Variants in GALNT9 observed in about 807,000 individuals in gnomAD.
GALNT9 encodes GalNAc transferase 9.
GALNT9 carries 47 observed loss-of-function variants against 63.1 expected under a neutral mutation model. That is an observed-to-expected ratio of 0.75 (90% CI 0.59 to 0.95). GALNT9 has a LOEUF of 0.95. Ranked by LOEUF, GALNT9 falls within the 40% of genes least tolerant of loss-of-function variation. The pLI is 0.00. For missense variants in GALNT9, 829 were observed against 874.8 expected, an observed-to-expected ratio of 0.95 and a Z score of 0.66; for synonymous variants, 396 against 365.7, an observed-to-expected ratio of 1.08 and a Z score of -0.94.
intron 5 of GALNT9, among the ~76,000 whole-genome samples, chr12:132,256,397 G>A (rs1446832863): frequency 1.3e-5 from 2 of 151,974 alleles, no homozygotes; most frequent in Non-Finnish European, 2.9e-5. Context: ...AGTATTCCGT[G>A]ATGTGGGTGG....
At chr12:132,328,332 T>A (rs560340045) in intron 1 of GALNT9, among the ~76,000 whole-genome samples, 1 of 152,014 alleles carries the variant, frequency 6.6e-6, no homozygotes, top group Non-Finnish European at 1.5e-5. Context: ...GGGTAATGAG[T>A]CCTGCCAAGC....
chr12:132,298,280 C>T (rs1364451172), intron 1 of GALNT9, among the ~76,000 whole-genome samples: 1 of 152,100 alleles, frequency 6.6e-6, no homozygotes, highest in Admixed American at 6.5e-5. Flanking sequence ...TGAGATAACC[C>T]AGTCCCATGA....
At chr12:132,281,292 C>T (rs1017113898) in intron 2 of GALNT9, among the ~76,000 whole-genome samples, 16 of 152,188 alleles carry the variant, frequency 1.1e-4, no homozygotes, top group Admixed American at 2.0e-4. Context: ...CGGGGAAGCT[C>T]CAGGCTGGGC....
chr12:132,314,515 C>A (rs1279154061), intron 1 of GALNT9, among the ~76,000 whole-genome samples: 1 of 152,142 alleles, frequency 6.6e-6, no homozygotes, highest in Non-Finnish European at 1.5e-5. Context: ...GTGACTTGCC[C>A]GAGGTCACCC....
rs552671449 is a variant in GALNT9 at position 132,305,888 on chromosome 12, C to T, written c.239-19458G>A. Among the ~76,000 whole-genome samples the T allele has an allele frequency of 1.4e-4, 22 of 152,330 alleles. No homozygotes were observed. The Middle Eastern group carries it at 0.017, about 118-fold the overall frequency. ...CACTGGGTGATGGGGACCAGGGAGC[C>T]CTGGGTGGGGCTTGGGTCCAAAGGA... On this transcript the variant is annotated intron_variant, in intron 1 of 10. Transcript: ENST00000328957.
intron 6 of GALNT9, among the ~76,000 whole-genome samples, chr12:132,243,800 G>C (rs1339865516): frequency 6.6e-6 from 1 of 152,160 alleles, no homozygotes; most frequent in Admixed American, 6.5e-5. Context: ...CCTGGGGACT[G>C]GGAATCAGCC....
At chr12:132,227,607 G>A (rs1877747215) in intron 6 of GALNT9, among the ~76,000 whole-genome samples, 1 of 152,188 alleles carries the variant, frequency 6.6e-6, no homozygotes, top group South Asian at 2.1e-4. Flanking sequence ...CTAAAGAAAA[G>A]AAAACTGGTG....
chr12:132,284,577 G>A (rs1880513559), intron 2 of GALNT9: 1 of 152,264 alleles, frequency 6.6e-6, no homozygotes, highest in African/African-American at 2.4e-5. Flanking sequence ...ATGAAAATAA[G>A]TAGAATGAAA....
intron 2 of GALNT9, chr12:132,280,889 G>C (rs922791895): frequency 5.3e-5 from 8 of 152,314 alleles, no homozygotes; most frequent in African/African-American, 1.9e-4. Context: ...TGAATAAAGA[G>C]ACTTAACCTT....
chr12:132,218,632 G>C (rs1157143078), intron 6 of GALNT9, among the ~76,000 whole-genome samples: 2 of 152,224 alleles, frequency 1.3e-5, no homozygotes, highest in African/African-American at 4.8e-5. Context: ...TCGTTCTGCA[G>C]CAGCGATCCA....
Position 132,279,640 on chromosome 12 carries a change from C to G in GALNT9, c.419+6610G>C, listed in dbSNP as rs1880253777. The stretch of plus-strand genomic sequence containing the variant: ...CAGTGGTTTCTTCTCTCCAGAGTTA[C>G]TGTCCCTACCCCCTGTCCTCTCTCT... On this transcript the variant is annotated intron_variant, in intron 2 of 10. Coordinates refer to ENST00000328957, the MANE Select transcript of GALNT9 (RefSeq NM_001122636.2). This position sits in a 1 kb window ranked among gnomAD's most constrained non-coding sequence, Gnocchi z 4.1. 1 of 152,460 alleles carries G rather than the reference C, an allele frequency of 6.6e-6. No individual in the cohort carries two copies. The highest frequency in any genetic ancestry group is 1.5e-5 in the Non-Finnish European group (1 of 68,206). The allele number at this position is 152,460 out of a possible 1,614,324, so 9.4% of individuals were successfully genotyped here. A position where few individuals can be genotyped will look rare whatever the true frequency, so the allele number is the denominator to read the frequency against.
At chr12:132,292,010 GC>G (rs1299387916) in intron 1 of GALNT9, among the ~76,000 whole-genome samples, 2 of 152,118 alleles carry the variant, frequency 1.3e-5, no homozygotes, top group East Asian at 3.9e-4. Context: ...CCTGCTTCCT[GC>G]CCCGGGGCCT....
chr12:132,264,186 G>A (rs1555239995), intron 2 of GALNT9, among the ~76,000 whole-genome samples: 6 of 152,228 alleles, frequency 3.9e-5, no homozygotes. Flanking sequence ...TTATAAACAA[G>A]CCGCCTGCAT....
At chr12:132,199,146 C>A in intron 9 of GALNT9, 28 bp downstream of exon 9, 1 of 1,484,760 alleles carries the variant, frequency 6.7e-7, no homozygotes, top group Non-Finnish European at 9.3e-7. Flanking sequence ...CCCTTGGGAG[C>A]TGCATGGGTG....
At chr12:132,248,951 G>T (rs1355560236) in intron 5 of GALNT9, among the ~76,000 whole-genome samples, 1 of 152,228 alleles carries the variant, frequency 6.6e-6, no homozygotes, top group Non-Finnish European at 1.5e-5. Flanking sequence ...GTGAAGGCAG[G>T]ATCTGCAGAG....
chr12:132,284,114 T>TGC (rs1880482176), intron 2 of GALNT9: 1 of 114,882 alleles, frequency 8.7e-6, no homozygotes, highest in Non-Finnish European at 1.9e-5. Context: ...CACGCACACA[T>TGC]ATGCACACAC....
chr12:132,302,731 G>C (rs1189394409), intron 1 of GALNT9, among the ~76,000 whole-genome samples: 1 of 152,238 alleles, frequency 6.6e-6, no homozygotes, highest in Non-Finnish European at 1.5e-5. Flanking sequence ...AGGAGTCGGA[G>C]GGAAGAGAAA....
At chr12:132,277,978 G>GCCCTCCCCCCGCCCCGGCC (rs1880171560) in intron 2 of GALNT9, 1 of 145,156 alleles carries the variant, frequency 6.9e-6, no homozygotes, top group Non-Finnish European at 1.5e-5. Flanking sequence ...CAGCTCTGAG[G>GCCCTCCCCCCGCCCCGGCC]CCCTCCCCCC....
At chr12:132,251,171 C>T (rs553114965) in intron 5 of GALNT9, among the ~76,000 whole-genome samples, 2 of 152,322 alleles carry the variant, frequency 1.3e-5, no homozygotes, top group East Asian at 1.9e-4. Flanking sequence ...AAACATCACC[C>T]GAGAGCTTGA....
Sources: gnomAD v4.1 joint callset for allele counts (sites outside exome capture counted in the v4.1 genomes callset) on GRCh38, gnomAD v4.1.1 for gene constraint, Gnocchi (gnomAD v3.1) non-coding constraint, MANE v1.5 for transcripts, NCBI Gene and HGNC (gene_info 2026-07-23, HGNC 2026-07-21) for gene names.